The following NDUFAF2 variants were observed in gnomAD, a reference collection of about 807,000 sequenced individuals.
NDUFAF2 encodes NADH dehydrogenase [ubiquinone] 1 alpha subcomplex assembly factor 2.
NDUFAF2 carries 13 observed loss-of-function variants against 22.8 expected under a neutral mutation model. That is an observed-to-expected ratio of 0.57 (90% confidence interval 0.37 to 0.91). The LOEUF is 0.91. Ranked by LOEUF, NDUFAF2 falls within the 40% of genes least tolerant of loss-of-function variation. NDUFAF2 has a pLI of 0.01. For synonymous variants in NDUFAF2, 53 were observed against 64.2 expected, an observed-to-expected ratio of 0.83 and a Z score of 0.84; for missense variants, 162 against 195.2, an observed-to-expected ratio of 0.83 and a Z score of 1.01.
chr5:61,004,063 AC>A (rs1751333939), intron 1 of NDUFAF2, among the ~76,000 whole-genome samples: 3 of 151,924 alleles, frequency 2.0e-5, no homozygotes, highest in Admixed American at 2.0e-4. Context: ...AATAACGACC[AC>A]TGCTTACTTG....
intron 3 of NDUFAF2, among the ~76,000 whole-genome samples, chr5:61,145,070 G>A (rs1561139208): frequency 6.6e-6 from 1 of 152,114 alleles, no homozygotes; most frequent in Non-Finnish European, 1.5e-5. Context: ...CTATAAGTCA[G>A]CATGTTAGTA....
At chr5:61,059,800 G>A (rs1172507983) in intron 1 of NDUFAF2, among the ~76,000 whole-genome samples, 1 of 151,910 alleles carries the variant, frequency 6.6e-6, no homozygotes, top group Non-Finnish European at 1.5e-5. Context: ...TATTATCTGT[G>A]GAGATAGTCT....
chr5:60,986,792 C>T (rs369340926), intron 1 of NDUFAF2, among the ~76,000 whole-genome samples: 32 of 151,886 alleles, frequency 2.1e-4, no homozygotes, highest in East Asian at 1.9e-3. Context: ...ATAAGCCAGG[C>T]GTGGTGGCGG....
At chr5:61,068,583 A>G (rs1244844422) in intron 1 of NDUFAF2, among the ~76,000 whole-genome samples, 1 of 152,070 alleles carries the variant, frequency 6.6e-6, no homozygotes, top group African/African-American at 2.4e-5. Flanking sequence ...TGTTAATATG[A>G]TATTTTGAGT....
intron 1 of NDUFAF2, among the ~76,000 whole-genome samples, chr5:61,045,087 A>G (rs373754201): frequency 2.1e-5 from 3 of 141,174 alleles, no homozygotes; most frequent in Non-Finnish European, 4.6e-5. Flanking sequence ...ATTTAATAAA[A>G]TAAAATAAAG....
intron 1 of NDUFAF2, among the ~76,000 whole-genome samples, chr5:61,019,625 C>T (rs572634373): frequency 6.6e-6 from 1 of 151,952 alleles, no homozygotes; most frequent in Non-Finnish European, 1.5e-5. Flanking sequence ...AAAAACCCTC[C>T]TGCTATAAAA....
intron 2 of NDUFAF2, among the ~76,000 whole-genome samples, chr5:61,095,315 A>G (rs561491623): frequency 1.2e-4 from 18 of 152,284 alleles, no homozygotes; most frequent in Non-Finnish European, 2.5e-4. Context: ...GGACTCTCCA[A>G]AGTTCACAGG....
At chr5:61,062,490 A>G (rs1361312200) in intron 1 of NDUFAF2, among the ~76,000 whole-genome samples, 1 of 152,170 alleles carries the variant, frequency 6.6e-6, no homozygotes, top group Non-Finnish European at 1.5e-5. Flanking sequence ...ATCTGAAGAT[A>G]GGTCTGTTGG....
At chr5:61,074,511 CG>C (rs1011206251) in intron 2 of NDUFAF2, among the ~76,000 whole-genome samples, 6 of 151,986 alleles carry the variant, frequency 3.9e-5, no homozygotes, top group Non-Finnish European at 7.4e-5. Context: ...CACTTGAACC[CG>C]GGGGGCAGAG....
intron 1 of NDUFAF2, among the ~76,000 whole-genome samples, chr5:61,012,855 A>G (rs1751458803): frequency 6.6e-6 from 1 of 152,074 alleles, no homozygotes; most frequent in Admixed American, 6.6e-5. Flanking sequence ...AAAATAGTCA[A>G]ACAAAGTCAC....
At chr5:60,950,668 G>A (rs559234199) in intron 1 of NDUFAF2, among the ~76,000 whole-genome samples, 1 of 148,522 alleles carries the variant, frequency 6.7e-6, no homozygotes. Context: ...GGTTCTGTTG[G>A]AATGATCATG....
At chr5:61,092,031 A>C (rs1319846400) in intron 2 of NDUFAF2, among the ~76,000 whole-genome samples, 1 of 151,978 alleles carries the variant, frequency 6.6e-6, no homozygotes, top group Non-Finnish European at 1.5e-5. Flanking sequence ...TGGACTCTCT[A>C]TTCTGTTTCA....
At chr5:60,946,545 T>A (rs951666359) in intron 1 of NDUFAF2, among the ~76,000 whole-genome samples, 1 of 152,176 alleles carries the variant, frequency 6.6e-6, no homozygotes, top group Admixed American at 6.5e-5. Context: ...GCAAAGAACA[T>A]AGCATGGTGT....
Position 60,974,809 on chromosome 5 carries a change from A to G in NDUFAF2, c.127+29427A>G, listed in dbSNP as rs569333878. On this transcript the variant is annotated intron_variant, in intron 1 of 3. Transcript: ENST00000296597. ...GAGATTTGTGTTTGTTTGTTTGTTT[A>G]TTTGTTTATTTATTTATTTATTTTG... 4.0e-5 allele frequency among the ~76,000 whole-genome samples: 6 copies of G among 151,356 alleles called. No individual in the cohort carries two copies. The South Asian group carries it at 6.2e-4, about 16-fold the overall frequency.
intron 1 of NDUFAF2, among the ~76,000 whole-genome samples, chr5:60,964,131 GTTGTTT>G (rs764290743): frequency 2.0e-5 from 3 of 152,062 alleles, no homozygotes; most frequent in Non-Finnish European, 2.9e-5. Flanking sequence ...CTTTTTTGAT[GTTGTTT>G]TTGTTTTAAC....
chr5:61,138,503 C>A (rs750351115), intron 3 of NDUFAF2, among the ~76,000 whole-genome samples: 2 of 152,166 alleles, frequency 1.3e-5, no homozygotes, highest in Admixed American at 1.3e-4. Flanking sequence ...TCCTCCCCCC[C>A]AGATCGTGCC....
chr5:61,148,316 C>T (rs558478168), intron 3 of NDUFAF2, among the ~76,000 whole-genome samples: 73 of 152,272 alleles, frequency 4.8e-4, no homozygotes, highest in African/African-American at 1.7e-3. Flanking sequence ...TGCCTATTGT[C>T]CAGTATCTGA....
chr5:61,144,199 A>G (rs900787392), intron 3 of NDUFAF2, among the ~76,000 whole-genome samples: 2 of 152,142 alleles, frequency 1.3e-5, no homozygotes, highest in Non-Finnish European at 2.9e-5. Context: ...AGCATCATAT[A>G]TATGTACATA....
chr5:61,011,879 A>T (rs569521519), intron 1 of NDUFAF2, among the ~76,000 whole-genome samples: 117 of 151,858 alleles, frequency 7.7e-4, no homozygotes, highest in African/African-American at 2.2e-3. Context: ...TCTCTTTTTT[A>T]AAAAAAATAA....
Sources: gnomAD v4.1 joint callset for allele counts (sites outside exome capture counted in the v4.1 genomes callset) on GRCh38, gnomAD v4.1.1 for gene constraint, MANE v1.5 for transcripts, NCBI Gene and HGNC (gene_info 2026-07-23, HGNC 2026-07-21) for gene names.